Variants in KIF15 observed in about 807,000 individuals in gnomAD.
The protein encoded by KIF15 is kinesin family member 15.
KIF15 carries 140 observed loss-of-function variants against 190.6 expected under a neutral mutation model. The ratio of observed to expected loss-of-function variants is 0.73; its 90% CI spans 0.64 to 0.84. KIF15 has a LOEUF of 0.84. KIF15 is among the 40% of genes least tolerant of loss of function. The pLI is 0.00. For missense variants in KIF15, 1,372 were observed against 1,584.4 expected (o/e 0.87, Z 2.28); for synonymous variants, 528 against 551.3 (o/e 0.96, Z 0.59).
intron 6 of KIF15, chr3:44,864,203 A>G (rs778329243): frequency 1.9e-5 from 30 of 1,613,862 alleles, no homozygotes; most frequent in Middle Eastern, 1.7e-4. Context: ...GCAGGTGAGC[A>G]TGGGTTTATG....
intron 32 of KIF15, among the ~76,000 whole-genome samples, chr3:44,850,942 C>G (rs1194860133): frequency 6.6e-6 from 1 of 152,090 alleles, no homozygotes; most frequent in African/African-American, 2.4e-5. Flanking sequence ...TTTCAACAGT[C>G]AACATTACAT....
chr3:44,849,784 A>G (rs1469416686), intron 32 of KIF15, among the ~76,000 whole-genome samples: 1 of 152,196 alleles, frequency 6.6e-6, no homozygotes, highest in African/African-American at 2.4e-5. Flanking sequence ...ATTTATTTTA[A>G]TCATATGGCT....
intron 34 of KIF15, 130 bp downstream of exon 34, chr3:44,852,469 A>AG: frequency 9.9e-7 from 1 of 1,010,808 alleles, no homozygotes; most frequent in Non-Finnish European, 1.4e-6. Context: ...ATTAAAAAAA[A>AG]AAAAAAAGTT....
At chr3:44,786,132 C>A (rs577590344) in intron 6 of KIF15, among the ~76,000 whole-genome samples, 2 of 152,288 alleles carry the variant, frequency 1.3e-5, no homozygotes, top group African/African-American at 4.8e-5. Flanking sequence ...AGAAGAATGG[C>A]GTGAACCTGG....
downstream of KIF15, among the ~76,000 whole-genome samples, chr3:44,855,916 C>CT (rs923301112): frequency 1.3e-5 from 2 of 151,030 alleles, no homozygotes; most frequent in East Asian, 1.9e-4. Flanking sequence ...TTTGAGAGTT[C>CT]TTTTTTTTTA....
At chr3:44,852,646 T>C in intron 34 of KIF15, 27 bp from the exon 35 acceptor site, 1 of 1,523,868 alleles carries the variant, frequency 6.6e-7, no homozygotes, top group Non-Finnish European at 8.9e-7. Flanking sequence ...TTATTTTTTT[T>C]CTTTTTGTTT....
At chr3:44,841,292 C>T (rs6766221) in intron 29 of KIF15, 54 bp downstream of exon 29, 709,604 of 1,445,102 alleles carry the variant, frequency 0.49, 180,739 homozygotes, top group East Asian at 0.84. Context: ...GACCAAGTCT[C>T]GCTATGTTGC....
At chr3:44,797,054 G>A (rs572584563) in intron 8 of KIF15, among the ~76,000 whole-genome samples, 2 of 152,028 alleles carry the variant, frequency 1.3e-5, no homozygotes, top group African/African-American at 4.8e-5. Context: ...TTGAGAGAGG[G>A]TCTCACTCTG....
rs570174262 is a variant in KIF15, at chr3:44,841,142, A to G, written c.3489A>G (p.Ile1163Met). The stretch of plus-strand genomic sequence containing the variant: ...TCCTGGAAACACAAGAACAAGAGAT[A>G]GAAGATGGAAGAGCCTCTAAGACTT... ...AKLLETQEQEIEDGRASKTSL... is the reference protein window; with the variant it reads ...AKLLETQEQEMEDGRASKTSL... Residue 1163 changes from isoleucine to methionine, a missense_variant, in exon 29 of 35, where the codon ATA becomes ATG. Ile to Met is a conservative substitution (Grantham distance 10, BLOSUM62 1). Transcript: ENST00000326047. 1.2e-6 allele frequency: 2 copies of G among 1,613,290 alleles called. No individual in the cohort carries two copies. Among genetic ancestry groups the G allele is most frequent in the African/African-American group, 1.3e-5 (1 of 75,030 alleles).
chr3:44,790,933 G>A (rs1308777003), intron 7 of KIF15, among the ~76,000 whole-genome samples: 1 of 151,922 alleles, frequency 6.6e-6, no homozygotes, highest in Non-Finnish European at 1.5e-5. Flanking sequence ...TGCCTGCCTC[G>A]GCCTCCCAAA....
intron 1 of KIF15, among the ~76,000 whole-genome samples, chr3:44,765,777 A>G (rs573556374): frequency 1.1e-4 from 16 of 152,076 alleles, no homozygotes; most frequent in South Asian, 4.2e-4. Flanking sequence ...ATGTCTTCCT[A>G]ATTACTTTCA....
In KIF15 at chr3:44,788,393, T is replaced by C. The variant is rs184170329; in HGVS notation, c.639+1819T>C. ...CTATTATTTTGTTTAGTGTTTTTCA[T>C]AAATTTAAAAAATTGAGATCAATCT... On this transcript the variant is annotated intron_variant, in intron 7 of 34. Transcript: ENST00000326047. 6.8e-4 allele frequency among the ~76,000 whole-genome samples: 104 copies of C among 152,310 alleles called. No homozygotes were observed. The East Asian group carries it at 0.017, about 25-fold the overall frequency.
chr3:44,824,976 T>C (rs766370016), intron 20 of KIF15, among the ~76,000 whole-genome samples: 4 of 152,050 alleles, frequency 2.6e-5, no homozygotes, highest in Non-Finnish European at 2.9e-5. Context: ...TCCAGGCTGT[T>C]TTCAAACCCC....
At chr3:44,794,996 T>C (rs956966285) in intron 8 of KIF15, among the ~76,000 whole-genome samples, 5 of 152,048 alleles carry the variant, frequency 3.3e-5, no homozygotes, top group Admixed American at 6.6e-5. Context: ...TTAACTGATA[T>C]ATGACCATAC....
chr3:44,806,117 C>G (rs1358734726), intron 16 of KIF15, 131 bp downstream of exon 16: 2 of 1,014,188 alleles, frequency 2.0e-6, no homozygotes, highest in East Asian at 5.2e-5. Context: ...CGGTGTCACA[C>G]TGGTCTTTGG....
chr3:44,835,152 A>G (rs1386146644), intron 26 of KIF15, among the ~76,000 whole-genome samples: 1 of 152,180 alleles, frequency 6.6e-6, no homozygotes, highest in Non-Finnish European at 1.5e-5. Context: ...AGAGACTTCA[A>G]TAAAAGGATC....
intron 26 of KIF15, among the ~76,000 whole-genome samples, chr3:44,833,687 A>G (rs1698178445): frequency 7.2e-6 from 1 of 138,952 alleles, no homozygotes; most frequent in South Asian, 2.1e-4. Context: ...GTTCCTAACA[A>G]GCCACAGACT....
At chr3:44,852,380 A>G (rs1575695686) in intron 34 of KIF15, 41 bp downstream of exon 34, 1 of 1,559,832 alleles carries the variant, frequency 6.4e-7, no homozygotes, top group East Asian at 2.3e-5. Context: ...TGTCTGGTTT[A>G]AAAATGATTA....
chr3:44,831,001 C>A lies in KIF15; in HGVS notation c.3154C>A (p.Leu1052Ile), dbSNP rs1698042567. 1 of 1,613,840 alleles carries A rather than the reference C, an allele frequency of 6.2e-7. No homozygotes were observed. Among genetic ancestry groups the A allele is most frequent in the Non-Finnish European group, 8.5e-7 (1 of 1,179,962 alleles). ...GAAAGAAACCCTTAGGCTGAGAATA[C>A]TTTCTGAGGACATAGAGGTAGGTAT... Reference protein sequence around the residue: ...DLKETLRLRILSEDIERDMLC... With the variant: ...DLKETLRLRIISEDIERDMLC... Residue 1052 changes from leucine to isoleucine, a missense_variant, in exon 26 of 35, where the codon CTT becomes ATT. Coordinates refer to ENST00000326047, the MANE Select transcript of KIF15 (RefSeq NM_020242.3).
Sources: allele counts gnomAD v4.1 joint callset (sites outside exome capture counted in the v4.1 genomes callset), GRCh38; gene constraint gnomAD v4.1.1; transcripts MANE v1.5; gene names NCBI Gene and HGNC (gene_info 2026-07-23, HGNC 2026-07-21).